The following TRPM8 variants were observed in gnomAD, a reference collection of about 807,000 sequenced individuals.
TRPM8 encodes the protein transient receptor potential cation channel subfamily M member 8, also known as TRPM8 cationic channel.
A neutral mutation model predicts 133.7 loss-of-function variants in TRPM8; 110 were observed. The ratio of observed to expected loss-of-function variants is 0.82; its 90% CI spans 0.70 to 0.96. The LOEUF is 0.96. Ranked by LOEUF, TRPM8 falls within the 40% of genes least tolerant of loss-of-function variation. The pLI, the probability that TRPM8 is intolerant of heterozygous loss-of-function variation, is 0.00. For missense variants in TRPM8, 1,291 were observed against 1,379.5 expected, an observed-to-expected ratio of 0.94 and a Z score of 1.02; for synonymous variants, 535 against 532.3, an observed-to-expected ratio of 1.01 and a Z score of -0.07.
chr2:233,919,293 T>C (rs961642964), intron 1 of TRPM8, among the ~76,000 whole-genome samples: 6 of 152,146 alleles, frequency 3.9e-5, no homozygotes, highest in Non-Finnish European at 7.4e-5. Context: ...CCATTGATAA[T>C]AAAAATAGTA....
chr2:233,930,815 A>AT (rs1376560835), intron 3 of TRPM8, 74 bp downstream of exon 3: 9 of 926,140 alleles, frequency 9.7e-6, no homozygotes, highest in Non-Finnish European at 3.4e-6. Context: ...CAACAAACAA[A>AT]TGCTCCCTAG....
intron 19 of TRPM8, 98 bp from the exon 20 acceptor site, chr2:233,982,955 G>T: frequency 7.4e-7 from 1 of 1,348,844 alleles, no homozygotes. Context: ...CCCTGGAACC[G>T]CTGCTCTTCT....
intron 14 of TRPM8, 148 bp from the exon 15 acceptor site, chr2:233,966,462 T>A: frequency 4.2e-6 from 4 of 949,102 alleles, no homozygotes; most frequent in Non-Finnish European, 3.2e-6. Context: ...ACAAATTGTG[T>A]TGTGATGGCA....
At chr2:233,922,170 GT>G (rs1468062395) in intron 1 of TRPM8, among the ~76,000 whole-genome samples, 1 of 152,108 alleles carries the variant, frequency 6.6e-6, no homozygotes, top group Non-Finnish European at 1.5e-5. Context: ...TCTCCATCTG[GT>G]TTTGCACAAC....
At chr2:233,982,992 CG>C in intron 19 of TRPM8, 60 bp from the exon 20 acceptor site, 6 of 1,563,990 alleles carry the variant, frequency 3.8e-6, no homozygotes, top group Non-Finnish European at 5.2e-6. Flanking sequence ...ACGGCCGGGC[CG>C]GGGGGACTTG....
intron 12 of TRPM8, among the ~76,000 whole-genome samples, chr2:233,962,754 T>C (rs775038503): frequency 6.6e-6 from 1 of 152,354 alleles, no homozygotes; most frequent in South Asian, 2.1e-4. Flanking sequence ...ATATATTATA[T>C]ATATCCATTT....
rs1353441315 is a variant in TRPM8, at chr2:233,981,689, T to C, written c.2448-85T>C. On this transcript the variant is annotated intron_variant, in intron 18 of 25. Transcript: ENST00000324695. ...CTCAACCTTCCAGCTCTTGCCTGTT[T>C]CTTGAAATTGGGTTATTTTTAGAAA... 9.2e-6 allele frequency: 13 copies of C among 1,413,512 alleles called. No individual in the cohort carries two copies. The Admixed American group carries it at 2.0e-4, about 21-fold the overall frequency. 87.6% of individuals were successfully genotyped at this position (1,413,512 alleles called of 1,614,324 possible).
chr2:233,927,903 T>TC (rs1574690889), intron 2 of TRPM8, among the ~76,000 whole-genome samples: 3 of 69,176 alleles, frequency 4.3e-5, no homozygotes, highest in East Asian at 6.6e-4. Context: ...TCTTTCTTTC[T>TC]TTCTTTCTCT....
chr2:233,985,603 G>C, intron 20 of TRPM8, 85 bp from the exon 21 acceptor site: 1 of 1,325,974 alleles, frequency 7.5e-7, no homozygotes, highest in Non-Finnish European at 1.1e-6. Context: ...CATGACCACT[G>C]ACATGTTCTT....
chr2:233,972,090 T>C (rs192254516), intron 17 of TRPM8, among the ~76,000 whole-genome samples: 2,587 of 152,288 alleles, frequency 0.017, 70 homozygotes, highest in African/African-American at 0.059. Context: ...TGTTGATTGG[T>C]GCATTCACAA....
chr2:233,969,998 T>C, intron 16 of TRPM8, 191 bp downstream of exon 16: 1 of 667,126 alleles, frequency 1.5e-6, no homozygotes, highest in Non-Finnish European at 2.6e-6. Context: ...AGGGGTGGGG[T>C]TGTGTCTTTA....
intron 1 of TRPM8, among the ~76,000 whole-genome samples, chr2:233,925,799 G>T (rs1433705201): frequency 6.6e-6 from 1 of 152,136 alleles, no homozygotes; most frequent in African/African-American, 2.4e-5. Context: ...GACGGGTTTT[G>T]TCTCGAGCTT....
Position 233,970,277 on chromosome 2 carries a change from G to A in TRPM8, c.2206G>A (p.Val736Met), listed in dbSNP as rs200217624. 133 of 1,614,010 alleles carry A rather than the reference G, an allele frequency of 8.2e-5. No individual in the cohort carries two copies. Among genetic ancestry groups the A allele is most frequent in the Middle Eastern group, 1.6e-4 (1 of 6,084 alleles). ...TGTGGCGTTCTTCACCTCCCCCTTCGTGGTCTTCTCCTGGAATGTGGTCTT... is the reference window on the plus strand; with the variant it reads ...TGTGGCGTTCTTCACCTCCCCCTTCATGGTCTTCTCCTGGAATGTGGTCTT... Reference protein sequence around the residue: ...YYVAFFTSPFVVFSWNVVFYI... With the variant: ...YYVAFFTSPFMVFSWNVVFYI... Residue 736 changes from valine (V) to methionine (M), a missense_variant, in exon 17 of 26, where the codon GTG (valine) becomes ATG (methionine). Physicochemically the swap from Val to Met is conservative, Grantham distance 21. Transcript: ENST00000324695.
In TRPM8 at chr2:233,985,855, G is replaced by A; in HGVS notation, c.2929G>A (p.Ala977Thr). 6.2e-7 allele frequency: 1 copy of A among 1,612,436 alleles called. No homozygotes were observed. Among genetic ancestry groups the A allele is most frequent in the Non-Finnish European group, 8.5e-7 (1 of 1,179,096 alleles). ...TNILLVNLLV[A>T]MFGYTVGTVQ... ...CATCCTGCTGGTCAACCTGCTGGTCGCCATGTTTGGGTATGTGTTCAGTCA... is the reference window on the plus strand; with the variant it reads ...CATCCTGCTGGTCAACCTGCTGGTCACCATGTTTGGGTATGTGTTCAGTCA... The change falls in exon 21 of 26, where the codon GCC (alanine) becomes ACC (threonine). Residue 977 changes from alanine to threonine, a missense_variant. Physicochemically the swap from Ala to Thr is moderately conservative, Grantham distance 58 (BLOSUM62 0). Around this residue, in one of 2 missense-constraint regions of TRPM8, gnomAD observed 328 missense variants for 410.6 expected, o/e 0.80. Coordinates refer to ENST00000324695, the MANE Select transcript of TRPM8 (RefSeq NM_024080.5).
At position 233,950,138 on chromosome 2, in the gene TRPM8, A is replaced by T. The variant is rs769563242; in HGVS notation, c.1132A>T (p.Ile378Phe). ...RLPEEETESW[I>F]KWLKEILECS... ...GCCTGAGGAGGAGACTGAGAGTTGGATCAAATGGGTAAGTTGTCGGGACCA... is the reference window on the plus strand; with the variant it reads ...GCCTGAGGAGGAGACTGAGAGTTGGTTCAAATGGGTAAGTTGTCGGGACCA... The change falls in exon 9 of 26, where the codon ATC (isoleucine) becomes TTC (phenylalanine). Residue 378 changes from isoleucine to phenylalanine, a missense_variant. Ile to Phe is a conservative substitution (Grantham distance 21). Transcript: ENST00000324695. 1 of 1,612,484 alleles carries T rather than the reference A, an allele frequency of 6.2e-7. No individual in the cohort carries two copies. The highest frequency in any genetic ancestry group is 8.5e-7 in the Non-Finnish European group (1 of 1,179,876).
At chr2:234,007,690 G>T (rs537230115) in intron 23 of TRPM8, among the ~76,000 whole-genome samples, 9 of 152,238 alleles carry the variant, frequency 5.9e-5, no homozygotes, top group Admixed American at 2.0e-4. Flanking sequence ...ACCTTTGCTG[G>T]GTTCAATACA....
chr2:233,963,255 T>A (rs199995681), intron 12 of TRPM8, 27 bp from the exon 13 acceptor site: 17 of 1,543,560 alleles, frequency 1.1e-5, no homozygotes, highest in Non-Finnish European at 1.8e-6. Context: ...CATTTGCACA[T>A]GCTGACCACA....
chr2:233,951,029 C>T (rs868581411), intron 9 of TRPM8, among the ~76,000 whole-genome samples: 23 of 148,544 alleles, frequency 1.5e-4, no homozygotes, highest in African/African-American at 4.5e-4. Flanking sequence ...AGTGAGACCC[C>T]GTCCCTACAA....
At chr2:233,992,183 C>G (rs1692295633) in intron 21 of TRPM8, among the ~76,000 whole-genome samples, 1 of 152,002 alleles carries the variant, frequency 6.6e-6, no homozygotes, top group Non-Finnish European at 1.5e-5. Context: ...CTTATTTATT[C>G]TGGAATGAGT....
Sources: allele counts gnomAD v4.1 joint callset (sites outside exome capture counted in the v4.1 genomes callset), GRCh38; gene constraint gnomAD v4.1.1; regional missense constraint gnomAD v4.1.1; transcripts MANE v1.5; gene names NCBI Gene and HGNC (gene_info 2026-07-23, HGNC 2026-07-21).